RYR2: variants seen among roughly 807,000 people sequenced by gnomAD.
RYR2 encodes cardiac muscle ryanodine receptor-calcium release channel.
In RYR2, 227 loss-of-function variants were observed where a neutral mutation model predicts 601.1. That is an observed-to-expected ratio of 0.38 (90% CI 0.34 to 0.42). RYR2 has a LOEUF of 0.42. Ranked by LOEUF, RYR2 falls within the 10% of genes least tolerant of loss-of-function variation. The probability of loss-of-function intolerance (pLI) is 1.00; values close to 1 mark genes in which losing one functional copy is unlikely to be tolerated. For missense variants in RYR2, 4,646 were observed against 6,156.5 expected, an observed-to-expected ratio of 0.75 and a Z score of 8.21; for synonymous variants, 2,223 against 2,175.1, an observed-to-expected ratio of 1.02 and a Z score of -0.61.
At chr1:237,566,221 T>G (rs764953450) in intron 27 of RYR2, among the ~76,000 whole-genome samples, 9 of 152,136 alleles carry the variant, frequency 5.9e-5, no homozygotes, top group Non-Finnish European at 1.0e-4. Context: ...CTTATTGACT[T>G]CTTTCCATCT....
At chr1:237,657,843 T>G (rs1403878695) in intron 53 of RYR2, 101 bp from the exon 54 acceptor site, 1 of 598,044 alleles carries the variant, frequency 1.7e-6, no homozygotes, top group Non-Finnish European at 2.9e-6. Context: ...CAGTTAAAAT[T>G]GAATGAGATA....
chr1:237,423,283 GTTAC>G (rs1705778539), intron 12 of RYR2, 35 bp downstream of exon 12: 1 of 1,596,932 alleles, frequency 6.3e-7, no homozygotes, highest in East Asian at 2.2e-5. Context: ...TCCTATAAAT[GTTAC>G]CCGGTCATAT....
intron 4 of RYR2, among the ~76,000 whole-genome samples, chr1:237,360,864 A>G (rs1699723364): frequency 1.3e-5 from 2 of 152,162 alleles, no homozygotes; most frequent in Non-Finnish European, 2.9e-5. Flanking sequence ...CTGGAAAGTG[A>G]AGCATTTCCA....
At chr1:237,406,576 A>G (rs1022221910) in intron 10 of RYR2, among the ~76,000 whole-genome samples, 1 of 152,054 alleles carries the variant, frequency 6.6e-6, no homozygotes, top group Non-Finnish European at 1.5e-5. Flanking sequence ...TATTTGAGAT[A>G]GCCTGGTGTT....
chr1:237,625,265 A>G (rs116207295), intron 39 of RYR2, among the ~76,000 whole-genome samples: 34 of 152,214 alleles, frequency 2.2e-4, no homozygotes, highest in Non-Finnish European at 4.9e-4. Flanking sequence ...TGGAGGCAAG[A>G]GAGGAGAATT....
At position 237,674,821 on chromosome 1, in the gene RYR2, A is replaced by G. The variant is rs915071961; in HGVS notation, c.8805A>G (p.Glu2935=). 2.5e-6 allele frequency: 4 copies of G among 1,607,862 alleles called. No individual in the cohort carries two copies. Among genetic ancestry groups the G allele is most frequent in the African/African-American group, 1.3e-5 (1 of 74,794 alleles). Residue 2935 remains glutamate, a synonymous_variant, in exon 60 of 105, where the codon GAA becomes GAG. Transcript: ENST00000366574. ...AACAACTCATTCGCTATGTGGATGA[A>G]GCCCATCAGTATATCCTGGAGTTTG... The part of the protein sequence containing the change: ...FLQQLIRYVD[E]AHQYILEFDG...
At chr1:237,653,475 A>G (rs16835597) in intron 51 of RYR2, among the ~76,000 whole-genome samples, 1,730 of 152,320 alleles carry the variant, frequency 0.011, 43 homozygotes, top group African/African-American at 0.039. Context: ...AAACAACCTC[A>G]TAAAGAATCC....
In RYR2 at chr1:237,441,400, A is replaced by T; in HGVS notation, c.1087A>T (p.Ile363Leu). ...EIKYGDSVCY[I>L]QHVDTGLWLT... ...AAAATACGGTGACTCAGTATGCTAT[A>T]TACAACATGTAGACACAGGCCTATG... Residue 363 changes from isoleucine to leucine, a missense_variant, in exon 13 of 105, where the codon ATA becomes TTA. Around this residue, in one of 17 missense-constraint regions of RYR2, gnomAD observed 1,807 missense variants for 2,088.1 expected, o/e 0.87. Transcript: ENST00000366574. 2 of 1,613,784 alleles carry T rather than the reference A, an allele frequency of 1.2e-6. No individual in the cohort carries two copies. Among genetic ancestry groups the T allele is most frequent in the Non-Finnish European group, 1.7e-6 (2 of 1,179,724 alleles).
chr1:237,223,436 A>G lies in RYR2; in HGVS notation c.49-47061A>G, dbSNP rs187799294. ...GTAAAATACATGAATTTTGGAGAGG[A>G]TACATTTAAACCATAGCATTAAATT... On this transcript the variant is annotated intron_variant, in intron 1 of 104. Coordinates refer to ENST00000366574, the MANE Select transcript of RYR2 (RefSeq NM_001035.3). Among the ~76,000 whole-genome samples, 94 of 152,320 alleles carry G rather than the reference A, an allele frequency of 6.2e-4. 1 individual carries two copies. The highest frequency in any genetic ancestry group is 3.2e-3 in the Admixed American group (49 of 15,300).
At chr1:237,657,509 C>T (rs1353689430) in intron 53 of RYR2, among the ~76,000 whole-genome samples, 1 of 151,714 alleles carries the variant, frequency 6.6e-6, no homozygotes, top group Non-Finnish European at 1.5e-5. Context: ...TAATTATTTT[C>T]CCTATAGTTA....
At chr1:237,689,668 A>G (rs1230631813) in intron 63 of RYR2, among the ~76,000 whole-genome samples, 1 of 152,058 alleles carries the variant, frequency 6.6e-6, no homozygotes, top group Non-Finnish European at 1.5e-5. Flanking sequence ...AATTTATTGG[A>G]GACCTGGTAT....
At chr1:237,757,841 A>G (rs1693086564) in intron 82 of RYR2, 65 bp downstream of exon 82, 2 of 1,020,386 alleles carry the variant, frequency 2.0e-6, no homozygotes, top group Non-Finnish European at 3.1e-6. Context: ...GTAAAGAACT[A>G]TTTGTTGTAA....
intron 12 of RYR2, among the ~76,000 whole-genome samples, chr1:237,436,454 C>CTATTTTTTTTTTTTTTTT (rs1707368171): frequency 2.1e-5 from 1 of 48,730 alleles, no homozygotes; most frequent in African/African-American, 9.9e-5. Context: ...TGTGATTTTC[C>CTATTTTTTTTTTTTTTTT]TTTTTTTTTT....
intron 1 of RYR2, among the ~76,000 whole-genome samples, chr1:237,055,989 A>T (rs1661969160): frequency 6.6e-6 from 1 of 150,960 alleles, no homozygotes; most frequent in South Asian, 2.1e-4. Context: ...GGAGCACTGC[A>T]TCTGTGAGGA....
In RYR2 at chr1:237,456,077, C is replaced by T. The variant is rs982304432; in HGVS notation, c.1477-523C>T. Among the ~76,000 whole-genome samples, 45 of 152,126 alleles carry T rather than the reference C, an allele frequency of 3.0e-4. 1 individual carries two copies. The highest frequency in any genetic ancestry group is 1.4e-3 in the Admixed American group (21 of 15,276). ...TAGCTCTTTATGTGGTTAGATAGCTCTTTATGTGGTTTGCCACGCTTTTTA... is the reference window on the plus strand; with the variant it reads ...TAGCTCTTTATGTGGTTAGATAGCTTTTTATGTGGTTTGCCACGCTTTTTA... On this transcript the variant is annotated intron_variant, in intron 15 of 104. Transcript: ENST00000366574.
At chr1:237,713,165 C>T (rs1342305157) in intron 71 of RYR2, among the ~76,000 whole-genome samples, 1 of 152,144 alleles carries the variant, frequency 6.6e-6, no homozygotes, top group Non-Finnish European at 1.5e-5. Context: ...TGTACAGATA[C>T]CCTTTTCCCT....
intron 94 of RYR2, among the ~76,000 whole-genome samples, chr1:237,792,569 G>C (rs1326161630): frequency 6.6e-6 from 1 of 152,056 alleles, no homozygotes; most frequent in Non-Finnish European, 1.5e-5. Flanking sequence ...ACTGTAGACA[G>C]ACACAGCAGG....
intron 101 of RYR2, among the ~76,000 whole-genome samples, chr1:237,822,639 A>C (rs866819838): frequency 2.0e-5 from 3 of 152,346 alleles, no homozygotes; most frequent in Middle Eastern, 3.4e-3. Context: ...CAGAATAACC[A>C]GCTGGCATCA....
chr1:237,609,038 T>C (rs369918872), intron 35 of RYR2, among the ~76,000 whole-genome samples: 13 of 134,370 alleles, frequency 9.7e-5, no homozygotes, highest in African/African-American at 3.4e-4. Context: ...CTCCCTCCCT[T>C]CCTTCCTTCC....
Sources: allele counts gnomAD v4.1 joint callset (sites outside exome capture counted in the v4.1 genomes callset), GRCh38; gene constraint gnomAD v4.1.1; regional missense constraint gnomAD v4.1.1; transcripts MANE v1.5; gene names NCBI Gene and HGNC (gene_info 2026-07-23, HGNC 2026-07-21).